Variants in MDN1 observed in about 807,000 individuals in gnomAD.
MDN1 encodes the protein midasin.
MDN1 carries 266 observed loss-of-function variants against 669.2 expected under a neutral mutation model. The observed-to-expected ratio is 0.40, with a 90% CI of 0.36 to 0.44. MDN1 has a LOEUF of 0.44. MDN1 is among the 20% of genes least tolerant of loss of function. The pLI, the probability that MDN1 is intolerant of heterozygous loss-of-function variation, is 1.00. For missense variants in MDN1, 5,940 were observed against 6,754.0 expected, an observed-to-expected ratio of 0.88 and a Z score of 4.22; for synonymous variants, 2,385 against 2,457.1, an observed-to-expected ratio of 0.97 and a Z score of 0.87.
intron 15 of MDN1, among the ~76,000 whole-genome samples, chr6:89,764,406 A>G (rs1382623832): frequency 6.6e-6 from 1 of 152,094 alleles, no homozygotes; most frequent in African/African-American, 2.4e-5. Context: ...AGAGTTCGAC[A>G]CCACCGTGGG....
intron 61 of MDN1, among the ~76,000 whole-genome samples, chr6:89,694,538 C>T (rs1356378854): frequency 6.6e-6 from 1 of 152,096 alleles, no homozygotes; most frequent in African/African-American, 2.4e-5. Flanking sequence ...TACCACATTA[C>T]CCAAATCAAC....
Position 89,644,077 on chromosome 6 carries a change from G to A in MDN1, c.16719C>T (p.Asn5573=), listed in dbSNP as rs114394507. Residue 5573 remains asparagine, a synonymous_variant, in exon 102 of 102, where the codon AAC becomes AAT. Coordinates refer to ENST00000369393, the MANE Select transcript of MDN1 (RefSeq NM_014611.3). The stretch of plus-strand genomic sequence containing the variant: ...CATCGCTGAGTGTCTCAGGAAGTGC[G>A]TTTACATCTCGAAGAATGATATAGT... ...FPYYIILRDV[N]ALPETLSDAL... is the part of the protein sequence containing the mutation. 8.1e-5 allele frequency: 130 copies of A among 1,614,032 alleles called. No individual in the cohort carries two copies. The East Asian group carries it at 1.6e-3, about 20-fold the overall frequency.
At chr6:89,746,069 G>A (rs1412801947) in intron 27 of MDN1, among the ~76,000 whole-genome samples, 1 of 152,162 alleles carries the variant, frequency 6.6e-6, no homozygotes, top group Non-Finnish European at 1.5e-5. Flanking sequence ...AACCCAAAAA[G>A]TACATACTGC....
intron 20 of MDN1, among the ~76,000 whole-genome samples, chr6:89,754,956 A>C (rs956841971): frequency 1.3e-5 from 2 of 152,188 alleles, no homozygotes; most frequent in Admixed American, 6.5e-5. Context: ...ATATTTCAAA[A>C]TATTTTTGTG....
In MDN1 at chr6:89,648,259, C is replaced by T; in HGVS notation, c.16277G>A (p.Cys5426Tyr). ...AGGAATTACAAAGCAACCTTACCTACACACTGCAATCTGACCCACTTCCAG... is the reference window on the plus strand; with the variant it reads ...AGGAATTACAAAGCAACCTTACCTATACACTGCAATCTGACCCACTTCCAG... ...TLLEVGQIAVCSFGESVKLLH... is the reference protein window; with the variant it reads ...TLLEVGQIAVYSFGESVKLLH... The change falls in exon 98 of 102, where the codon TGT becomes TAT. Residue 5426 changes from cysteine (C) to tyrosine (Y), a missense_variant. Cys to Tyr is a radical substitution (Grantham distance 194, BLOSUM62 -2). This residue lies in a region of MDN1 where 2,280 missense variants were observed against 2,576.3 expected (regional missense o/e 0.88). Transcript: ENST00000369393. 2 of 1,613,990 alleles carry T rather than the reference C, an allele frequency of 1.2e-6. No homozygotes were observed. The highest frequency in any genetic ancestry group is 1.1e-5 in the South Asian group (1 of 91,080).
At chr6:89,743,066 G>C in intron 31 of MDN1, 84 bp downstream of exon 31, 3 of 1,518,780 alleles carry the variant, frequency 2.0e-6, no homozygotes, top group Non-Finnish European at 2.7e-6. Flanking sequence ...TGGGGTGACA[G>C]AGTGAGAACA....
intron 33 of MDN1, among the ~76,000 whole-genome samples, chr6:89,734,421 G>A (rs1815789266): frequency 1.3e-5 from 2 of 151,926 alleles, no homozygotes; most frequent in Non-Finnish European, 2.9e-5. Context: ...ATGAGGCCAG[G>A]CACCATGGCT....
intron 89 of MDN1, 46 bp from the exon 90 acceptor site, chr6:89,658,416 A>G: frequency 6.2e-7 from 1 of 1,611,334 alleles, no homozygotes; most frequent in Non-Finnish European, 8.5e-7. Flanking sequence ...CTGGGGGAAC[A>G]GCATAAGGTG....
chr6:89,644,622 ATAAGT>A (rs375230776), intron 101 of MDN1, among the ~76,000 whole-genome samples: 541 of 152,334 alleles, frequency 3.6e-3, no homozygotes, highest in African/African-American at 0.011. Context: ...CTACTGAGAC[ATAAGT>A]TAAGTGTGGC....
rs780823314 is a variant in MDN1, at chr6:89,718,749, T to A, written c.6321+18A>T. The A allele has an allele frequency of 6.2e-7, 1 of 1,612,016 alleles. No homozygotes were observed. Among genetic ancestry groups the A allele is most frequent in the Non-Finnish European group, 8.5e-7 (1 of 1,178,252 alleles). ...GTTTATTATGCTTTGCCAGAAAATA[T>A]GAAGGCAGACTGGTTACCTGCTCAA... is the stretch of plus-strand genomic sequence containing the variant. On this transcript the variant is annotated intron_variant, in intron 42 of 101. Coordinates refer to ENST00000369393, the MANE Select transcript of MDN1 (RefSeq NM_014611.3).
intron 23 of MDN1, among the ~76,000 whole-genome samples, chr6:89,751,031 A>G (rs1313703588): frequency 1.3e-5 from 2 of 151,672 alleles, no homozygotes; most frequent in Non-Finnish European, 2.9e-5. Flanking sequence ...GCAGAAGAAC[A>G]TTTTTATTCC....
intron 33 of MDN1, 97 bp downstream of exon 33, chr6:89,738,227 CAT>C: frequency 2.2e-6 from 3 of 1,371,238 alleles, no homozygotes; most frequent in Non-Finnish European, 3.0e-6. Flanking sequence ...TATAACACAC[CAT>C]ATACACACAG....
intron 29 of MDN1, 101 bp from the exon 30 acceptor site, chr6:89,743,815 C>A: frequency 7.5e-7 from 1 of 1,339,536 alleles, no homozygotes. Flanking sequence ...GGGAGTCTCA[C>A]TGCAGCAGTA....
At chr6:89,733,686 T>G (rs1815744350) in intron 33 of MDN1, among the ~76,000 whole-genome samples, 1 of 146,732 alleles carries the variant, frequency 6.8e-6, no homozygotes, top group Non-Finnish European at 1.5e-5. Context: ...AAAGGGGAAA[T>G]TCCAGTAACA....
chr6:89,791,853 A>C (rs1819284165), intron 5 of MDN1, among the ~76,000 whole-genome samples: 1 of 151,088 alleles, frequency 6.6e-6, no homozygotes, highest in Non-Finnish European at 1.5e-5. Context: ...TTAACATGGT[A>C]AATGTTGTAT....
chr6:89,687,195 T>C, intron 68 of MDN1, 149 bp downstream of exon 68: 1 of 1,166,412 alleles, frequency 8.6e-7, no homozygotes, highest in Non-Finnish European at 1.2e-6. Context: ...ATTCAGGTCA[T>C]TTTAATGCCC....
chr6:89,782,764 C>A (rs1168477527), intron 9 of MDN1, among the ~76,000 whole-genome samples: 2 of 151,978 alleles, frequency 1.3e-5, no homozygotes, highest in East Asian at 1.9e-4. Context: ...CATGGTGAAA[C>A]CCTGTCTCTA....
chr6:89,664,902 T>TA (rs748973912), intron 84 of MDN1, among the ~76,000 whole-genome samples: 4 of 152,212 alleles, frequency 2.6e-5, no homozygotes, highest in Non-Finnish European at 5.9e-5. Flanking sequence ...CTTTGTAGGA[T>TA]AAAAAATTCA....
At chr6:89,718,660 G>C in intron 42 of MDN1, 33 bp from the exon 43 acceptor site, 1 of 1,609,414 alleles carries the variant, frequency 6.2e-7, no homozygotes, top group Non-Finnish European at 8.5e-7. Context: ...ACTCATCATA[G>C]GGTCAGAGAA....
Sources: gnomAD v4.1 joint callset for allele counts (sites outside exome capture counted in the v4.1 genomes callset) on GRCh38, gnomAD v4.1.1 for gene constraint, gnomAD v4.1.1 regional missense constraint, MANE v1.5 for transcripts, NCBI Gene and HGNC (gene_info 2026-07-23, HGNC 2026-07-21) for gene names.